The following NFATC3 variants were observed in gnomAD, a reference collection of about 807,000 sequenced individuals.
NFATC3 encodes the protein nuclear factor of activated T-cells, cytoplasmic 3.
NFATC3 carries 46 observed loss-of-function variants against 98.6 expected under a neutral mutation model. The observed-to-expected ratio is 0.47, with a 90% CI of 0.37 to 0.60. The LOEUF (loss-of-function observed/expected upper bound fraction) is 0.60. Among genes scored for constraint, NFATC3 ranks in the 20% least tolerant of loss-of-function variants. The pLI, the probability that NFATC3 is intolerant of heterozygous loss-of-function variation, is 0.00. For synonymous variants in NFATC3, 512 were observed against 472.2 expected, an observed-to-expected ratio of 1.08 and a Z score of -1.09; for missense variants, 1,256 against 1,295.5, an observed-to-expected ratio of 0.97 and a Z score of 0.47.
rs1484750050 is a variant in NFATC3, at chr16:68,191,203, G to A, written c.2534G>A (p.Gly845Asp). 1 of 1,614,002 alleles carries A rather than the reference G, an allele frequency of 6.2e-7. No homozygotes were observed. Among genetic ancestry groups the A allele is most frequent in the Non-Finnish European group, 8.5e-7 (1 of 1,180,044 alleles). Residue 845 changes from glycine to aspartate, a missense_variant, in exon 9 of 10, where the codon GGC becomes GAC. Gly to Asp is a moderately conservative substitution (Grantham distance 94). Transcript: ENST00000346183. ...ACTCTTTCTGGTTTAGTGAATCTTG[G>A]CTGTCAACCACTGTCATCCATACCA... Reference protein sequence around the residue: ...DATLSGLVNLGCQPLSSIPFH... With the variant: ...DATLSGLVNLDCQPLSSIPFH...
chr16:68,133,884 T>G (rs9939821), intron 3 of NFATC3, among the ~76,000 whole-genome samples: 1 of 147,174 alleles, frequency 6.8e-6, no homozygotes, highest in African/African-American at 2.5e-5. Flanking sequence ...CCCTTTTTTT[T>G]AAAAAAAAAA....
intron 5 of NFATC3, among the ~76,000 whole-genome samples, chr16:68,170,859 T>A (rs1350723147): frequency 1.3e-5 from 2 of 150,522 alleles, no homozygotes; most frequent in Middle Eastern, 6.4e-3. Flanking sequence ...TGTTTTTTAA[T>A]TGGGCTTATC....
In NFATC3 at chr16:68,122,348, A is replaced by G; in HGVS notation, c.465A>G (p.Pro155=). 1 of 1,614,106 alleles carries G rather than the reference A, an allele frequency of 6.2e-7. No individual in the cohort carries two copies. The highest frequency in any genetic ancestry group is 8.5e-7 in the Non-Finnish European group (1 of 1,180,014). ...SRDHLYLPLE[P]SYRESSLSPS... ...ATCATCTCTATCTTCCTCTTGAGCC[A>G]TCCTACCGGGAGTCTTCTCTTAGTC... The change falls in exon 2 of 10, where the codon CCA becomes CCG. Residue 155 remains proline, a synonymous_variant. Coordinates refer to ENST00000346183, the MANE Select transcript of NFATC3 (RefSeq NM_173165.3).
In NFATC3 at chr16:68,172,626, T is replaced by A. The variant is rs536564641; in HGVS notation, c.1775-1748T>A. On this transcript the variant is annotated intron_variant, in intron 5 of 9. Coordinates refer to ENST00000346183, the MANE Select transcript of NFATC3 (RefSeq NM_173165.3). ...TAAGACCCTGTCTCTACAAAAAAAA[T>A]TTTTTTTTAGTTGTGTATGGTAATG... 3.5e-3 allele frequency among the ~76,000 whole-genome samples: 527 copies of A among 151,146 alleles called. 6 individuals carry two copies. The highest frequency in any genetic ancestry group is 0.031 in the Middle Eastern group (9 of 294).
intron 6 of NFATC3, among the ~76,000 whole-genome samples, chr16:68,175,662 C>T (rs562468027): frequency 2.0e-5 from 3 of 151,772 alleles, no homozygotes; most frequent in East Asian, 1.9e-4. Flanking sequence ...TAGGTTAAAG[C>T]GATTCTCCTG....
At chr16:68,159,932 C>A (rs2038809190) in intron 4 of NFATC3, among the ~76,000 whole-genome samples, 1 of 151,532 alleles carries the variant, frequency 6.6e-6, no homozygotes, top group African/African-American at 2.4e-5. Context: ...CAAAAAATTA[C>A]CTGGGTGTGG....
At chr16:68,217,746 T>A in intron 9 of NFATC3, 1 of 1,231,606 alleles carries the variant, frequency 8.1e-7, no homozygotes, top group Non-Finnish European at 1.0e-6. Context: ...TAGTCATGAC[T>A]GAGTCTTAGC....
intron 3 of NFATC3, among the ~76,000 whole-genome samples, chr16:68,152,922 G>A (rs1046109489): frequency 2.0e-5 from 3 of 152,136 alleles, no homozygotes; most frequent in African/African-American, 7.2e-5. Context: ...ACCGCTCAGG[G>A]CAGTATAAAT....
At chr16:68,136,610 G>A (rs1415106108) in intron 3 of NFATC3, among the ~76,000 whole-genome samples, 2 of 152,094 alleles carry the variant, frequency 1.3e-5, no homozygotes, top group Non-Finnish European at 1.5e-5. Context: ...CTTTAAAAAG[G>A]GCAAAGCAAG....
chr16:68,169,812 G>A (rs927564491), intron 5 of NFATC3, among the ~76,000 whole-genome samples: 4 of 151,254 alleles, frequency 2.6e-5, no homozygotes, highest in East Asian at 2.0e-4. Context: ...ATGGTGGCAC[G>A]TGCCTGTAAT....
chr16:68,191,928 T>G lies in NFATC3; in HGVS notation c.3106+153T>G, dbSNP rs566106055. The G allele has an allele frequency of 2.6e-5, 22 of 836,826 alleles. No individual in the cohort carries two copies. The East Asian group carries it at 5.9e-4, about 23-fold the overall frequency. 51.8% of individuals were successfully genotyped at this position (836,826 alleles called of 1,614,324 possible). On this transcript the variant is annotated intron_variant, in intron 9 of 9. Coordinates refer to ENST00000346183, the MANE Select transcript of NFATC3 (RefSeq NM_173165.3). ...AGAAATATATGTTAATATATAACTT[T>G]GCCAGGTACCACGGCTCACGCCTGT...
intron 4 of NFATC3, among the ~76,000 whole-genome samples, chr16:68,160,411 C>T (rs960685800): frequency 1.2e-4 from 18 of 151,880 alleles, no homozygotes; most frequent in African/African-American, 4.1e-4. Context: ...GTTGTAGTGA[C>T]CCCAGATTGC....
chr16:68,114,889 A>G (rs1358192005), intron 1 of NFATC3, among the ~76,000 whole-genome samples: 3 of 152,048 alleles, frequency 2.0e-5, no homozygotes, highest in Non-Finnish European at 4.4e-5. Context: ...CCACTTTTTA[A>G]GGAAATCGTT....
chr16:68,134,762 A>G (rs915361329), intron 3 of NFATC3, among the ~76,000 whole-genome samples: 1 of 151,992 alleles, frequency 6.6e-6, no homozygotes, highest in Non-Finnish European at 1.5e-5. Context: ...CTTTTATTCT[A>G]ATTTGTTGGG....
chr16:68,199,384 C>T (rs558565764), intron 9 of NFATC3, among the ~76,000 whole-genome samples: 198 of 149,236 alleles, frequency 1.3e-3, no homozygotes, highest in Non-Finnish European at 2.1e-3. Flanking sequence ...CCACCACGCC[C>T]GGCTAATTTT....
At chr16:68,184,845 C>G (rs12445915) in intron 8 of NFATC3, among the ~76,000 whole-genome samples, 14 of 151,694 alleles carry the variant, frequency 9.2e-5, no homozygotes, top group African/African-American at 2.4e-4. Flanking sequence ...AAAAAACACA[C>G]AAATAGTTTT....
chr16:68,208,760 T>C (rs770510757), intron 9 of NFATC3, among the ~76,000 whole-genome samples: 4 of 152,148 alleles, frequency 2.6e-5, no homozygotes, highest in Middle Eastern at 3.2e-3. Context: ...AGAATTGTTT[T>C]CTTAATTTTT....
At chr16:68,156,336 A>C (rs77884900) in intron 3 of NFATC3, among the ~76,000 whole-genome samples, 33 of 152,108 alleles carry the variant, frequency 2.2e-4, no homozygotes, top group Admixed American at 1.0e-3. Flanking sequence ...ACAACAACAA[A>C]AACAAAAACA....
chr16:68,112,621 C>A (rs1023257216), intron 1 of NFATC3, among the ~76,000 whole-genome samples: 1 of 131,114 alleles, frequency 7.6e-6, no homozygotes, highest in Non-Finnish European at 1.6e-5. Context: ...AGGTTTTGTT[C>A]ATTTCTTTTC....
Sources: gnomAD v4.1 joint callset for allele counts (sites outside exome capture counted in the v4.1 genomes callset) on GRCh38, gnomAD v4.1.1 for gene constraint, MANE v1.5 for transcripts, NCBI Gene and HGNC (gene_info 2026-07-23, HGNC 2026-07-21) for gene names.